The following TFCP2L1 variants were observed in gnomAD, a reference collection of about 807,000 sequenced individuals.
TFCP2L1 encodes the protein transcription factor CP2-like protein 1.
Under a neutral mutation model 72.2 loss-of-function variants are expected in TFCP2L1, and 12 were observed. The ratio of observed to expected loss-of-function variants is 0.17; its 90% confidence interval spans 0.11 to 0.27. The LOEUF (loss-of-function observed/expected upper bound fraction) is 0.27. Among genes scored for constraint, TFCP2L1 ranks in the 10% least tolerant of loss-of-function variants. The pLI, the probability that TFCP2L1 is intolerant of heterozygous loss-of-function variation, is 1.00. For missense variants in TFCP2L1, 488 were observed against 624.6 expected, an observed-to-expected ratio of 0.78 and a Z score of 2.33; for synonymous variants, 260 against 251.0, an observed-to-expected ratio of 1.04 and a Z score of -0.34.
chr2:121,279,421 C>T (rs1024783053), intron 2 of TFCP2L1, among the ~76,000 whole-genome samples: 7 of 152,140 alleles, frequency 4.6e-5, no homozygotes, highest in Non-Finnish European at 1.0e-4. Context: ...CACAGGTCTC[C>T]GGGCCTGAGC....
chr2:121,278,012 G>GT (rs1386164282), intron 2 of TFCP2L1, among the ~76,000 whole-genome samples: 1 of 149,844 alleles, frequency 6.7e-6, no homozygotes, highest in African/African-American at 2.4e-5. Context: ...GACCATAGAG[G>GT]TAACTCCTTT....
intron 2 of TFCP2L1, among the ~76,000 whole-genome samples, chr2:121,263,096 C>T (rs566161488): frequency 6.6e-6 from 1 of 152,076 alleles, no homozygotes; most frequent in African/African-American, 2.4e-5. Flanking sequence ...CCACCACGTC[C>T]AGCTAATTTT....
chr2:121,269,918 A>AATATATATATATAT (rs10531350), intron 2 of TFCP2L1, among the ~76,000 whole-genome samples: 1 of 115,182 alleles, frequency 8.7e-6, no homozygotes, highest in Non-Finnish European at 1.7e-5. Flanking sequence ...AAAAAAAAAA[A>AATATATATATATAT]ATATATATAT....
At chr2:121,254,675 G>A (rs1168393191) in intron 2 of TFCP2L1, among the ~76,000 whole-genome samples, 5 of 152,124 alleles carry the variant, frequency 3.3e-5, no homozygotes, top group African/African-American at 7.2e-5. Context: ...GCGCATGCTT[G>A]TAATCGCAGC....
At chr2:121,278,696 G>GAA (rs112005170) in intron 2 of TFCP2L1, among the ~76,000 whole-genome samples, 1 of 109,716 alleles carries the variant, frequency 9.1e-6, no homozygotes, top group African/African-American at 3.4e-5. Context: ...AAAGAAGAAA[G>GAA]AAAAAAAAAA....
intron 1 of TFCP2L1, among the ~76,000 whole-genome samples, chr2:121,283,376 C>T (rs1244179795): frequency 6.6e-6 from 1 of 152,174 alleles, no homozygotes; most frequent in African/African-American, 2.4e-5. Context: ...GGACCAGGGG[C>T]ATATGCACAA....
chr2:121,245,197 G>A lies in TFCP2L1; in HGVS notation c.657+1621C>T, dbSNP rs140535176. The stretch of plus-strand genomic sequence containing the variant: ...GGAGGTTGGGGCCGCCATGTGAGAA[G>A]GACTCAGCCTGCTCCTGCTGGCTTT... On this transcript the variant is annotated intron_variant, in intron 6 of 14. Transcript: ENST00000263707. 9.4e-3 allele frequency among the ~76,000 whole-genome samples: 1,435 copies of A among 152,224 alleles called. 29 individuals are homozygous for A. The highest frequency in any genetic ancestry group is 0.014 in the Non-Finnish European group (927 of 68,006).
At chr2:121,270,403 C>T (rs1453842242) in intron 2 of TFCP2L1, among the ~76,000 whole-genome samples, 2 of 152,192 alleles carry the variant, frequency 1.3e-5, no homozygotes, top group Non-Finnish European at 2.9e-5. Flanking sequence ...ACTGGCACAA[C>T]TTCACTGGAA....
intron 10 of TFCP2L1, among the ~76,000 whole-genome samples, chr2:121,237,045 T>C (rs1189479733): frequency 6.6e-6 from 1 of 152,202 alleles, no homozygotes; most frequent in Non-Finnish European, 1.5e-5. Context: ...GCTCCTCTAG[T>C]TGTGGCCAAG....
Position 121,221,519 on chromosome 2 carries a change from C to CTCAATAA in TFCP2L1, c.*2815_*2821dup, listed in dbSNP as rs1463735991. 1 of 152,094 alleles carries CTCAATAA rather than the reference C, an allele frequency of 6.6e-6. No individual in the cohort carries two copies. Among genetic ancestry groups the CTCAATAA allele is most frequent in the Non-Finnish European group, 1.5e-5 (1 of 68,032 alleles). The allele number at this position is 152,094 out of a possible 1,614,324, so 9.4% of individuals were successfully genotyped here. A position where few individuals can be genotyped will look rare whatever the true frequency, so the allele number is the denominator to read the frequency against. Reference sequence around the variant, plus strand: ...AATTCCGTGGAGAAAGGATATTTTTCTCAATAATCAGCAGTGGGACAAGTG... The same window carrying CTCAATAA: ...AATTCCGTGGAGAAAGGATATTTTTCTCAATAATCAATAATCAGCAGTGGGACAAGTG... On this transcript the variant is annotated 3_prime_UTR_variant, in exon 15 of 15. Transcript: ENST00000263707.
chr2:121,281,976 G>A (rs1369389436), intron 1 of TFCP2L1, among the ~76,000 whole-genome samples: 1 of 151,852 alleles, frequency 6.6e-6, no homozygotes, highest in Non-Finnish European at 1.5e-5. Flanking sequence ...TTGTTGTCCA[G>A]GCTGGAGTGC....
chr2:121,247,479 A>T (rs181962063), intron 5 of TFCP2L1, among the ~76,000 whole-genome samples: 1 of 152,164 alleles, frequency 6.6e-6, no homozygotes, highest in African/African-American at 2.4e-5. Context: ...CTGCAATATT[A>T]TAAGAATCCA....
intron 8 of TFCP2L1, among the ~76,000 whole-genome samples, 154 bp downstream of exon 8, chr2:121,239,404 T>C (rs1274566830): frequency 1.3e-5 from 2 of 152,072 alleles, no homozygotes; most frequent in Admixed American, 6.5e-5. Flanking sequence ...GCACTAAAAG[T>C]TGTGTAAATG....
intron 6 of TFCP2L1, among the ~76,000 whole-genome samples, chr2:121,245,847 G>A (rs775262037): frequency 1.3e-5 from 2 of 152,168 alleles, no homozygotes; most frequent in Non-Finnish European, 2.9e-5. Flanking sequence ...CCACAGGCCC[G>A]TGCCTTCGGT....
chr2:121,269,402 C>T (rs891137946), intron 2 of TFCP2L1, among the ~76,000 whole-genome samples: 42 of 152,040 alleles, frequency 2.8e-4, no homozygotes, highest in East Asian at 7.8e-4. Context: ...GAGCTGTAAT[C>T]GCACCACTGC....
intron 2 of TFCP2L1, among the ~76,000 whole-genome samples, chr2:121,250,685 C>A (rs1237109190): frequency 1.3e-5 from 2 of 150,310 alleles, no homozygotes; most frequent in Non-Finnish European, 2.9e-5. Context: ...TGGCTCACTG[C>A]AACCTCCGCC....
In TFCP2L1 at chr2:121,242,478, A is replaced by G. The variant is rs370217142; in HGVS notation, c.658-9T>C. 3.1e-6 allele frequency: 5 copies of G among 1,613,468 alleles called. No individual in the cohort carries two copies. The African/African-American group carries it at 6.7e-5, about 22-fold the overall frequency. ...CGATCGGCTCCCTTCGGCTGCGAGC[A>G]GAGTACAGAGTCCAATCAGCCCAAA... On this transcript the variant is annotated splice_polypyrimidine_tract_variant and intron_variant, in intron 6 of 14. Coordinates refer to ENST00000263707, the MANE Select transcript of TFCP2L1 (RefSeq NM_014553.3).
At chr2:121,230,424 G>A (rs562849848) in intron 13 of TFCP2L1, among the ~76,000 whole-genome samples, 7 of 151,972 alleles carry the variant, frequency 4.6e-5, no homozygotes, top group African/African-American at 1.2e-4. Context: ...CGCCCACCTC[G>A]GCCTCCCAAA....
At chr2:121,263,500 A>G (rs1686866416) in intron 2 of TFCP2L1, among the ~76,000 whole-genome samples, 1 of 151,582 alleles carries the variant, frequency 6.6e-6, no homozygotes, top group Admixed American at 6.6e-5. Context: ...AAAAGGGCAT[A>G]CAAACACATG....
Sources: allele counts gnomAD v4.1 joint callset (sites outside exome capture counted in the v4.1 genomes callset), GRCh38; gene constraint gnomAD v4.1.1; transcripts MANE v1.5; gene names NCBI Gene and HGNC (gene_info 2026-07-23, HGNC 2026-07-21).